VDAC2: variants seen among roughly 807,000 people sequenced by gnomAD.
VDAC2 encodes the protein non-selective voltage-gated ion channel VDAC2.
VDAC2 carries 6 observed loss-of-function variants against 36.6 expected under a neutral mutation model. The ratio of observed to expected loss-of-function variants is 0.16; its 90% CI spans 0.09 to 0.32. VDAC2 has a LOEUF of 0.32. Ranked by LOEUF, VDAC2 falls within the 10% of genes least tolerant of loss-of-function variation. The pLI is 1.00. For missense variants in VDAC2, 247 were observed against 346.0 expected, an observed-to-expected ratio of 0.71 and a Z score of 2.27; for synonymous variants, 109 against 123.8, an observed-to-expected ratio of 0.88 and a Z score of 0.79.
At chr10:75,216,553 C>G (rs1841611474) in intron 4 of VDAC2, among the ~76,000 whole-genome samples, 1 of 152,206 alleles carries the variant, frequency 6.6e-6, no homozygotes, top group Admixed American at 6.5e-5. Flanking sequence ...GCTCTGTTTT[C>G]TTACCTGAAC....
intron 8 of VDAC2, among the ~76,000 whole-genome samples, chr10:75,226,453 T>TTG (rs1554872703): frequency 7.1e-4 from 51 of 71,550 alleles, no homozygotes; most frequent in African/African-American, 1.8e-3. Flanking sequence ...TTTTGTGGGT[T>TTG]TTTTTTTTTT....
At chr10:75,212,087 T>G in intron 2 of VDAC2, 143 bp from the exon 3 acceptor site, 2 of 711,738 alleles carry the variant, frequency 2.8e-6, no homozygotes, top group Non-Finnish European at 4.8e-6. Context: ...GTTATAGTTC[T>G]ATTGTAGCTC....
chr10:75,211,268 C>T, intron 2 of VDAC2, 79 bp downstream of exon 2: 7 of 1,554,846 alleles, frequency 4.5e-6, no homozygotes, highest in South Asian at 2.3e-5. Flanking sequence ...TTTGTTTCCC[C>T]CTATCTTTCC....
chr10:75,221,131 T>G (rs1377286605), intron 7 of VDAC2, 161 bp downstream of exon 7: 2 of 671,650 alleles, frequency 3.0e-6, no homozygotes, highest in Non-Finnish European at 5.0e-6. Context: ...AAGTTTATAG[T>G]AGAAGACTGT....
At chr10:75,222,531 T>G in intron 8 of VDAC2, 129 bp downstream of exon 8, 5 of 1,291,866 alleles carry the variant, frequency 3.9e-6, no homozygotes, top group Non-Finnish European at 5.4e-6. Flanking sequence ...TAGTTTTAGA[T>G]TTTGAAATGC....
At chr10:75,219,878 A>G (rs1209350245) in intron 6 of VDAC2, among the ~76,000 whole-genome samples, 1 of 151,000 alleles carries the variant, frequency 6.6e-6, no homozygotes, top group Non-Finnish European at 1.5e-5. Context: ...CACAGGCTGG[A>G]GTGCAGTGGC....
intron 4 of VDAC2, among the ~76,000 whole-genome samples, chr10:75,216,563 C>T (rs538463174): frequency 6.6e-6 from 1 of 152,190 alleles, no homozygotes; most frequent in Non-Finnish European, 1.5e-5. Context: ...CTTACCTGAA[C>T]AGCAAAGCTA....
At chr10:75,226,874 G>T (rs1001062315) in intron 8 of VDAC2, among the ~76,000 whole-genome samples, 2 of 152,198 alleles carry the variant, frequency 1.3e-5, no homozygotes, top group African/African-American at 4.8e-5. Context: ...GGTTGCTAGG[G>T]AACAAACCTT....
chr10:75,218,915 C>A, intron 4 of VDAC2, 148 bp from the exon 5 acceptor site: 2 of 769,406 alleles, frequency 2.6e-6, no homozygotes, highest in Non-Finnish European at 4.0e-6. Context: ...TAGCACAGTG[C>A]AGAAGGATAC....
intron 8 of VDAC2, among the ~76,000 whole-genome samples, chr10:75,228,046 C>A (rs371935196): frequency 6.6e-6 from 1 of 151,964 alleles, no homozygotes; most frequent in Non-Finnish European, 1.5e-5. Flanking sequence ...AGGTGCCCAC[C>A]ACCACGCCCG....
intron 8 of VDAC2, among the ~76,000 whole-genome samples, chr10:75,226,958 G>A (rs1841972341): frequency 6.6e-6 from 1 of 152,098 alleles, no homozygotes; most frequent in African/African-American, 2.4e-5. Context: ...CCTTTGTAAT[G>A]AAGTCTCCTT....
At chr10:75,211,566 A>T (rs1841422524) in intron 2 of VDAC2, 2 of 1,550,614 alleles carry the variant, frequency 1.3e-6, no homozygotes, top group African/African-American at 1.4e-5. Flanking sequence ...AAGGGCGTGG[A>T]CGTGCTTTGT....
intron 8 of VDAC2, among the ~76,000 whole-genome samples, chr10:75,225,290 A>G (rs1841924027): frequency 6.6e-6 from 1 of 152,232 alleles, no homozygotes; most frequent in Non-Finnish European, 1.5e-5. Flanking sequence ...CTGTCAACCT[A>G]AAGGAAGAAA....
chr10:75,230,944 T>A lies in VDAC2; in HGVS notation c.840T>A (p.Asn280Lys), dbSNP rs1317434379. The change falls in exon 10 of 10, where the codon AAT (asparagine) becomes AAA (lysine). Residue 280 changes from asparagine (N) to lysine (K), a missense_variant. Physicochemically the swap from Asn to Lys is moderately conservative, Grantham distance 94. Coordinates refer to ENST00000332211, the MANE Select transcript of VDAC2 (RefSeq NM_001391963.1). The stretch of plus-strand genomic sequence containing the variant: ...CTCTGGTAGATGGGAAGAGCATTAA[T>A]GCTGGAGGCCACAAGGTTGGGCTCG... ...LSALVDGKSINAGGHKVGLAL... is the reference protein window; with the variant it reads ...LSALVDGKSIKAGGHKVGLAL... 6.2e-7 allele frequency: 1 copy of A among 1,613,496 alleles called. No homozygotes were observed. The highest frequency in any genetic ancestry group is 1.1e-5 in the South Asian group (1 of 91,042).
chr10:75,227,907 T>TC (rs1328806770), intron 8 of VDAC2, among the ~76,000 whole-genome samples: 2 of 150,296 alleles, frequency 1.3e-5, no homozygotes, highest in African/African-American at 4.9e-5. Context: ...TCTTTTTTTT[T>TC]TTTTTGAGGC....
chr10:75,231,162 T>C lies in VDAC2; in HGVS notation c.*173T>C, dbSNP rs368379528. 4.6e-5 allele frequency: 27 copies of C among 587,440 alleles called. No homozygotes were observed. The highest frequency in any genetic ancestry group is 4.6e-4 in the Middle Eastern group (1 of 2,160). The allele number at this position is 587,440 out of a possible 1,614,324, so 36.4% of individuals were successfully genotyped here. A position where few individuals can be genotyped will look rare whatever the true frequency, so the allele number is the denominator to read the frequency against. On this transcript the variant is annotated 3_prime_UTR_variant, in exon 10 of 10. Transcript: ENST00000332211. ...CAGTTCTTTGTTAGCTGGTTTCTAG[T>C]TGGTTATCTAGTTACCAATGCTGCA...
intron 8 of VDAC2, among the ~76,000 whole-genome samples, chr10:75,226,732 G>GCAAA (rs1841964873): frequency 6.6e-6 from 1 of 152,038 alleles, no homozygotes; most frequent in South Asian, 2.1e-4. Flanking sequence ...AAAGTGCCGG[G>GCAAA]GTAACAGGAA....
At chr10:75,211,077 G>C in intron 1 of VDAC2, 57 bp from the exon 2 acceptor site, 3 of 1,491,208 alleles carry the variant, frequency 2.0e-6, no homozygotes, top group South Asian at 2.5e-5. Context: ...CTCTCTGCCC[G>C]GGATCTCCCT....
intron 3 of VDAC2, among the ~76,000 whole-genome samples, chr10:75,213,154 C>T (rs1338135025): frequency 6.6e-6 from 1 of 152,160 alleles, no homozygotes. Context: ...TCTCGGCTCC[C>T]TGCAGCCTCT....
Sources: gnomAD v4.1 joint callset for allele counts (sites outside exome capture counted in the v4.1 genomes callset) on GRCh38, gnomAD v4.1.1 for gene constraint, MANE v1.5 for transcripts, NCBI Gene and HGNC (gene_info 2026-07-23, HGNC 2026-07-21) for gene names.